The following DBH variants were observed in gnomAD, a reference collection of about 807,000 sequenced individuals.
The protein encoded by DBH is dopamine beta-hydroxylase, also known as dopamine beta-hydroxylase (dopamine beta-monooxygenase).
A neutral mutation model predicts 64.0 loss-of-function variants in DBH; 49 were observed. The ratio of observed to expected loss-of-function variants is 0.77; its 90% CI spans 0.61 to 0.97. DBH has a LOEUF of 0.97. DBH is among the 50% of genes least tolerant of loss of function. DBH has a pLI of 0.00. For missense variants in DBH, 828 were observed against 826.6 expected, an observed-to-expected ratio of 1.00 and a Z score of -0.02; for synonymous variants, 343 against 347.1, an observed-to-expected ratio of 0.99 and a Z score of 0.13.
intron 10 of DBH, 118 bp downstream of exon 10, chr9:133,656,768 G>A: frequency 7.5e-7 from 1 of 1,329,716 alleles, no homozygotes; most frequent in Non-Finnish European, 1.0e-6. Flanking sequence ...GCAGAGACCT[G>A]TGGCGGCATC....
intron 11 of DBH, 188 bp downstream of exon 11, chr9:133,657,417 A>AGAGAGTG: frequency 2.7e-5 from 1 of 37,468 alleles, no homozygotes; most frequent in Non-Finnish European, 4.9e-5. Context: ...AGGAGAGAGG[A>AGAGAGTG]GAGAGAGGAG....
chr9:133,652,278 C>G lies in DBH; in HGVS notation c.1368C>G (p.Val456=). ...EIRMLKKVVS[V]HPGDVLITSC... ...GCATGTTGAAGAAGGTCGTGTCGGT[C>G]CATCCGGTGAGTGCCCAGCGGGAAG... Residue 456 remains valine (V), a synonymous_variant, in exon 8 of 12, where the codon GTC becomes GTG. Coordinates refer to ENST00000393056, the MANE Select transcript of DBH (RefSeq NM_000787.4). The G allele has an allele frequency of 6.2e-7, 1 of 1,613,500 alleles. No homozygotes were observed. Among genetic ancestry groups the G allele is most frequent in the Non-Finnish European group, 8.5e-7 (1 of 1,180,026 alleles).
chr9:133,636,921 A>G (rs1217617632), intron 1 of DBH, among the ~76,000 whole-genome samples: 1 of 152,132 alleles, frequency 6.6e-6, no homozygotes, highest in Non-Finnish European at 1.5e-5. Context: ...CATGCTTTCC[A>G]TGGTCCTTGA....
intron 7 of DBH, 133 bp downstream of exon 7, chr9:133,651,910 C>T: frequency 1.1e-6 from 1 of 947,536 alleles, no homozygotes; most frequent in Non-Finnish European, 1.6e-6. Context: ...CCCACCCGCC[C>T]CCCACCCATG....
In DBH at chr9:133,657,271, G is replaced by A. The variant is rs766703857; in HGVS notation, c.1722+42G>A. On this transcript the variant is annotated intron_variant, in intron 11 of 11. Transcript: ENST00000393056. ...CCGGGTGGGGCATGCAGTCAGGCAG[G>A]CCTCATGGGGGGCCCCAGTGAGGGG... is the stretch of plus-strand genomic sequence containing the variant. 6 of 1,611,062 alleles carry A rather than the reference G, an allele frequency of 3.7e-6. No individual in the cohort carries two copies. The South Asian group carries it at 6.6e-5, about 18-fold the overall frequency.
rs138303139 is a variant in DBH at position 133,648,656 on chromosome 9, C to T, written c.1191+644C>T. Among the ~76,000 whole-genome samples, 466 of 152,336 alleles carry T rather than the reference C, an allele frequency of 3.1e-3. 7 individuals carry two copies. Among genetic ancestry groups the T allele is most frequent in the Middle Eastern group, 0.024 (7 of 294 alleles). On this transcript the variant is annotated intron_variant, in intron 6 of 11. Coordinates refer to ENST00000393056, the MANE Select transcript of DBH (RefSeq NM_000787.4). ...CGGGTACAGGATCTCAGGGAGCACC[C>T]GTCCTCAGGGCTATGCACGCTGGGT...
chr9:133,647,373 C>T (rs1283564170), intron 5 of DBH, among the ~76,000 whole-genome samples: 1 of 152,338 alleles, frequency 6.6e-6, no homozygotes, highest in Non-Finnish European at 1.5e-5. Context: ...CCAGACCACA[C>T]CCTGCAGGTT....
intron 5 of DBH, among the ~76,000 whole-genome samples, chr9:133,647,179 G>A (rs1832191749): frequency 6.6e-6 from 1 of 152,194 alleles, no homozygotes; most frequent in Admixed American, 6.5e-5. Context: ...TTGGTAGGTG[G>A]GTTCCTTGGG....
intron 5 of DBH, among the ~76,000 whole-genome samples, chr9:133,646,815 G>T (rs761206493): frequency 2.0e-5 from 3 of 152,156 alleles, no homozygotes; most frequent in Non-Finnish European, 2.9e-5. Context: ...GTGAGCCACC[G>T]TGCCCGGCCC....
intron 6 of DBH, among the ~76,000 whole-genome samples, chr9:133,650,481 T>TTTCTTTTCTTTTC (rs1398138030): frequency 0.016 from 2,179 of 134,346 alleles, 62 homozygotes; most frequent in African/African-American, 0.071. Flanking sequence ...TTTCTTTTTC[T>TTTCTTTTCTTTTC]TTTTCTTTCT....
intron 9 of DBH, 64 bp downstream of exon 9, chr9:133,653,063 G>A: frequency 7.7e-7 from 1 of 1,302,150 alleles, no homozygotes; most frequent in Non-Finnish European, 1.1e-6. Flanking sequence ...GCCATCTGAG[G>A]AAGGATGACA....
intron 2 of DBH, among the ~76,000 whole-genome samples, 169 bp from the exon 3 acceptor site, chr9:133,642,038 A>G (rs115695387): frequency 1.1e-3 from 175 of 152,274 alleles, no homozygotes; most frequent in African/African-American, 3.9e-3. Flanking sequence ...TCAGCCCGGG[A>G]TTTGGCCCCA....
intron 5 of DBH, among the ~76,000 whole-genome samples, chr9:133,647,010 G>C (rs531144054): frequency 5.3e-5 from 8 of 152,320 alleles, no homozygotes; most frequent in African/African-American, 1.9e-4. Context: ...CTTGAGTGTG[G>C]GCTGAGGCTC....
At chr9:133,653,375 T>C (rs560268106) in intron 9 of DBH, among the ~76,000 whole-genome samples, 1 of 152,256 alleles carries the variant, frequency 6.6e-6, no homozygotes, top group South Asian at 2.1e-4. Flanking sequence ...CTTTGCCCCG[T>C]GGAGCTCAAG....
intron 6 of DBH, among the ~76,000 whole-genome samples, chr9:133,649,243 G>C (rs557774020): frequency 1.3e-5 from 2 of 152,260 alleles, no homozygotes; most frequent in South Asian, 4.1e-4. Context: ...GTTTCTAGGA[G>C]TTCTTCTTAT....
chr9:133,647,012 C>T (rs2131288209), intron 5 of DBH, among the ~76,000 whole-genome samples: 1 of 152,302 alleles, frequency 6.6e-6, no homozygotes, highest in South Asian at 2.1e-4. Flanking sequence ...TGAGTGTGGG[C>T]TGAGGCTCAT....
At chr9:133,638,597 G>C (rs1320675547) in intron 1 of DBH, among the ~76,000 whole-genome samples, 3 of 152,056 alleles carry the variant, frequency 2.0e-5, no homozygotes, top group Admixed American at 6.5e-5. Context: ...TTTAGGGTTG[G>C]GGCAATATTG....
chr9:133,649,222 T>C (rs1411941308), intron 6 of DBH, among the ~76,000 whole-genome samples: 1 of 152,230 alleles, frequency 6.6e-6, no homozygotes, highest in East Asian at 1.9e-4. Context: ...GGTTTGTTTT[T>C]CTTACTGTTG....
intron 7 of DBH, among the ~76,000 whole-genome samples, 192 bp downstream of exon 7, chr9:133,651,969 C>T (rs1449276387): frequency 3.3e-5 from 5 of 151,840 alleles, no homozygotes; most frequent in Admixed American, 1.3e-4. Context: ...GTAGGGAGGC[C>T]TCTGGCACAT....
Sources: allele counts gnomAD v4.1 joint callset (sites outside exome capture counted in the v4.1 genomes callset), GRCh38; gene constraint gnomAD v4.1.1; transcripts MANE v1.5; gene names NCBI Gene and HGNC (gene_info 2026-07-23, HGNC 2026-07-21).